Variants in ROCK1 observed in about 807,000 individuals in gnomAD.
ROCK1 encodes Rho associated coiled-coil containing protein kinase 1.
ROCK1 carries 36 observed loss-of-function variants against 196.8 expected under a neutral mutation model. That is an observed-to-expected ratio of 0.18 (90% confidence interval 0.14 to 0.24). ROCK1 has a LOEUF of 0.24. Among genes scored for constraint, ROCK1 ranks in the 10% least tolerant of loss-of-function variants. ROCK1 has a pLI of 1.00. For synonymous variants in ROCK1, 443 were observed against 515.9 expected, an observed-to-expected ratio of 0.86 and a Z score of 1.91; for missense variants, 920 against 1,562.0, an observed-to-expected ratio of 0.59 and a Z score of 6.93.
chr18:21,054,109 C>T (rs2036227473), intron 2 of ROCK1, among the ~76,000 whole-genome samples: 1 of 152,056 alleles, frequency 6.6e-6, no homozygotes, highest in Non-Finnish European at 1.5e-5. Context: ...AGTGTAGCAA[C>T]GTCCCAAGAA....
intron 16 of ROCK1, among the ~76,000 whole-genome samples, chr18:20,998,970 G>T (rs936718034): frequency 1.3e-5 from 2 of 152,084 alleles, no homozygotes; most frequent in African/African-American, 4.8e-5. Context: ...AAAGAATAGA[G>T]GAGGAGAGAA....
chr18:21,074,320 C>T (rs1458453744), intron 1 of ROCK1, among the ~76,000 whole-genome samples: 3 of 152,110 alleles, frequency 2.0e-5, no homozygotes, highest in Non-Finnish European at 4.4e-5. Flanking sequence ...ATTACTATAC[C>T]CATGTCAATG....
Position 21,000,743 on chromosome 18 carries a change from G to GA in ROCK1, c.1885+5607dup, listed in dbSNP as rs1280513081. Among the ~76,000 whole-genome samples, 7 of 152,088 alleles carry GA rather than the reference G, an allele frequency of 4.6e-5. No homozygotes were observed. In the East Asian group the frequency reaches 9.6e-4, roughly 21 times the overall value. ...CACATACCCACTAGAGTAACTAACTGAAAAAAAGGAAAATACCAAGTGTTG... is the reference window on the plus strand; with the variant it reads ...CACATACCCACTAGAGTAACTAACTGAAAAAAAAGGAAAATACCAAGTGTTG... On this transcript the variant is annotated intron_variant, in intron 16 of 32. Transcript: ENST00000399799.
At chr18:21,038,250 T>C (rs1249041268) in intron 9 of ROCK1, among the ~76,000 whole-genome samples, 3 of 152,156 alleles carry the variant, frequency 2.0e-5, no homozygotes, top group Non-Finnish European at 4.4e-5. Flanking sequence ...TTATGTCACA[T>C]TTAATTCTGA....
intron 2 of ROCK1, among the ~76,000 whole-genome samples, chr18:21,056,670 A>G (rs1005750863): frequency 1.3e-5 from 2 of 152,150 alleles, no homozygotes; most frequent in African/African-American, 4.8e-5. Flanking sequence ...AAAAGTCTCT[A>G]ATGTCTTGCC....
intron 16 of ROCK1, among the ~76,000 whole-genome samples, chr18:21,002,559 A>C (rs1210798745): frequency 6.6e-6 from 1 of 152,218 alleles, no homozygotes; most frequent in Non-Finnish European, 1.5e-5. Flanking sequence ...AGTAACTACT[A>C]TATAATTGAT....
intron 1 of ROCK1, among the ~76,000 whole-genome samples, chr18:21,091,080 T>C (rs551800699): frequency 6.6e-6 from 1 of 151,640 alleles, no homozygotes. Flanking sequence ...ATACACCGAG[T>C]ATGCCTCTCT....
intron 1 of ROCK1, among the ~76,000 whole-genome samples, chr18:21,077,134 C>T (rs1429255840): frequency 4.0e-5 from 6 of 151,498 alleles, no homozygotes; most frequent in African/African-American, 9.7e-5. Context: ...CCACCGCGCC[C>T]GGCTAATTTT....
rs112541303 is a variant in ROCK1, at chr18:21,076,672, T to TACAC, written c.94-6063_94-6060dup. On this transcript the variant is annotated intron_variant, in intron 1 of 32. Coordinates refer to ENST00000399799, the MANE Select transcript of ROCK1 (RefSeq NM_005406.3). ...CAAGTGATCCTCCCCTCTTGGTACA[T>TACAC]ACACACACACACACACACACACACA... is the stretch of plus-strand genomic sequence containing the variant. 8.3e-3 allele frequency among the ~76,000 whole-genome samples: 1,214 copies of TACAC among 146,258 alleles called. 18 individuals are homozygous for TACAC. The highest frequency in any genetic ancestry group is 0.029 in the African/African-American group (1,131 of 39,504).
At chr18:21,046,126 G>A (rs2036156067) in intron 4 of ROCK1, among the ~76,000 whole-genome samples, 1 of 151,918 alleles carries the variant, frequency 6.6e-6, no homozygotes, top group African/African-American at 2.4e-5. Context: ...TAGCCAGGAT[G>A]GTCTCGATCT....
chr18:21,102,761 G>C (rs2036669997), intron 1 of ROCK1, among the ~76,000 whole-genome samples: 1 of 152,050 alleles, frequency 6.6e-6, no homozygotes, highest in South Asian at 2.1e-4. Flanking sequence ...AGTTACTCAA[G>C]AGGCTGAGGC....
intron 1 of ROCK1, among the ~76,000 whole-genome samples, chr18:21,076,672 TACACACACACACACACACAC>T (rs112541303): frequency 6.8e-6 from 1 of 146,164 alleles, no homozygotes; most frequent in African/African-American, 2.5e-5. Context: ...TCTTGGTACA[TACACACACACACACACACAC>T]ACACACACAC....
chr18:20,980,975 C>T (rs1245191445), intron 21 of ROCK1, among the ~76,000 whole-genome samples: 3 of 149,718 alleles, frequency 2.0e-5, no homozygotes, highest in Non-Finnish European at 4.4e-5. Context: ...TTTGGGAAGA[C>T]GTTATAAAGA....
intron 2 of ROCK1, among the ~76,000 whole-genome samples, chr18:21,052,684 A>G (rs2036213805): frequency 6.6e-6 from 1 of 152,158 alleles, no homozygotes; most frequent in Non-Finnish European, 1.5e-5. Flanking sequence ...CACAAACCCT[A>G]TTGTGAACTG....
chr18:21,092,241 T>A (rs1050984839), intron 1 of ROCK1, among the ~76,000 whole-genome samples: 1 of 152,186 alleles, frequency 6.6e-6, no homozygotes, highest in African/African-American at 2.4e-5. Flanking sequence ...ATTTGGCTTC[T>A]GTATAAAATT....
intron 2 of ROCK1, among the ~76,000 whole-genome samples, chr18:21,068,744 T>C (rs1174770933): frequency 6.6e-6 from 1 of 152,186 alleles, no homozygotes; most frequent in Non-Finnish European, 1.5e-5. Flanking sequence ...GCTGTATTTG[T>C]TATAATAAAT....
intron 1 of ROCK1, among the ~76,000 whole-genome samples, chr18:21,094,137 T>C (rs1305346586): frequency 6.6e-6 from 1 of 152,168 alleles, no homozygotes; most frequent in Non-Finnish European, 1.5e-5. Flanking sequence ...CACATGTGAC[T>C]AAAACCAGTC....
intron 13 of ROCK1, among the ~76,000 whole-genome samples, chr18:21,010,534 T>G (rs369257005): frequency 5.4e-4 from 82 of 152,340 alleles, no homozygotes; most frequent in African/African-American, 1.9e-3. Context: ...TTGCTTTCCA[T>G]GTGTTTGCAG....
chr18:21,011,186 G>A (rs1333983749), intron 13 of ROCK1, among the ~76,000 whole-genome samples: 1 of 151,906 alleles, frequency 6.6e-6, no homozygotes, highest in Non-Finnish European at 1.5e-5. Flanking sequence ...AGTATGTTAG[G>A]GTTAAGTCTG....
Sources: gnomAD v4.1 joint callset for allele counts (sites outside exome capture counted in the v4.1 genomes callset) on GRCh38, gnomAD v4.1.1 for gene constraint, MANE v1.5 for transcripts, NCBI Gene and HGNC (gene_info 2026-07-23, HGNC 2026-07-21) for gene names.